PRKCE: variants seen among roughly 807,000 people sequenced by gnomAD.
The protein encoded by PRKCE is protein kinase C epsilon type.
Under a neutral mutation model 85.4 loss-of-function variants are expected in PRKCE, and 16 were observed. That is an observed-to-expected ratio of 0.19 (90% CI 0.13 to 0.28). The LOEUF is 0.28. Among genes scored for constraint, PRKCE ranks in the 10% least tolerant of loss-of-function variants. The pLI is 1.00. For synonymous variants in PRKCE, 388 were observed against 371.5 expected, an observed-to-expected ratio of 1.04 and a Z score of -0.51; for missense variants, 573 against 975.2, an observed-to-expected ratio of 0.59 and a Z score of 5.49.
intron 2 of PRKCE, among the ~76,000 whole-genome samples, chr2:45,894,261 G>A (rs1367862067): frequency 1.3e-5 from 2 of 151,962 alleles, no homozygotes; most frequent in Admixed American, 1.3e-4. Context: ...TGGGGATAGG[G>A]AGTGATTAAG....
chr2:46,042,525 G>T (rs545652691), intron 10 of PRKCE, among the ~76,000 whole-genome samples: 10 of 152,376 alleles, frequency 6.6e-5, no homozygotes, highest in African/African-American at 2.4e-4. Flanking sequence ...AGAGGTACTT[G>T]CGCCAGCCTG....
At position 45,693,031 on chromosome 2, in the gene PRKCE, A is replaced by C. The variant is rs776376983; in HGVS notation, c.348+40583A>C. Among the ~76,000 whole-genome samples, 54 of 152,108 alleles carry C rather than the reference A, an allele frequency of 3.6e-4. 1 individual carries two copies. The highest frequency in any genetic ancestry group is 5.9e-4 in the Non-Finnish European group (40 of 68,012). ...CTTGAGGCTGACTGAGAGATTCTGC[A>C]GGGGGCCAAGGTGGCTCAGGAGGCC... On this transcript the variant is annotated intron_variant, in intron 1 of 14. Coordinates refer to ENST00000306156, the MANE Select transcript of PRKCE (RefSeq NM_005400.3).
chr2:45,684,867 G>C (rs1677178880), intron 1 of PRKCE, among the ~76,000 whole-genome samples: 1 of 152,188 alleles, frequency 6.6e-6, no homozygotes, highest in Non-Finnish European at 1.5e-5. Flanking sequence ...AATAGGATCT[G>C]TGTGGCTGGC....
chr2:45,681,912 A>G (rs532213227), intron 1 of PRKCE, among the ~76,000 whole-genome samples: 1 of 152,228 alleles, frequency 6.6e-6, no homozygotes, highest in African/African-American at 2.4e-5. Context: ...GGTTATTAGT[A>G]ACCTTTGCAT....
chr2:46,033,598 C>T (rs1443902165), intron 10 of PRKCE, among the ~76,000 whole-genome samples: 2 of 152,186 alleles, frequency 1.3e-5, no homozygotes, highest in African/African-American at 4.8e-5. Flanking sequence ...GGCATAGACA[C>T]CTACTGTTGG....
intron 1 of PRKCE, among the ~76,000 whole-genome samples, chr2:45,661,141 C>T (rs1036334333): frequency 2.6e-5 from 4 of 152,176 alleles, no homozygotes; most frequent in Non-Finnish European, 1.5e-5. Context: ...GAGCTCCTGA[C>T]CCCAAGAGAT....
At chr2:45,859,497 T>C (rs1219884092) in intron 2 of PRKCE, among the ~76,000 whole-genome samples, 1 of 152,258 alleles carries the variant, frequency 6.6e-6, no homozygotes, top group African/African-American at 2.4e-5. Context: ...TATCAGACTT[T>C]TAAGTTTCTA....
At chr2:46,102,928 A>G (rs769302497) in intron 11 of PRKCE, among the ~76,000 whole-genome samples, 14 of 152,160 alleles carry the variant, frequency 9.2e-5, no homozygotes, top group Non-Finnish European at 1.3e-4. Flanking sequence ...CTCCTTTTCC[A>G]TGCCCTTTTC....
intron 1 of PRKCE, among the ~76,000 whole-genome samples, chr2:45,789,127 A>G (rs537075178): frequency 2.0e-5 from 3 of 152,176 alleles, no homozygotes; most frequent in Non-Finnish European, 4.4e-5. Flanking sequence ...TGGTGGGGGA[A>G]GGTGGCTCAT....
chr2:45,724,326 T>G (rs1292891092), intron 1 of PRKCE, among the ~76,000 whole-genome samples: 1 of 152,224 alleles, frequency 6.6e-6, no homozygotes, highest in African/African-American at 2.4e-5. Flanking sequence ...TGAACTTAAT[T>G]GATAAATGTT....
At chr2:45,884,954 C>CATATAT (rs745477412) in intron 2 of PRKCE, among the ~76,000 whole-genome samples, 72 of 37,498 alleles carry the variant, frequency 1.9e-3, no homozygotes, top group Non-Finnish European at 2.7e-3. Flanking sequence ...ATATGTGATC[C>CATATAT]ATATATATAT....
chr2:45,854,043 C>G (rs972581247), intron 2 of PRKCE, among the ~76,000 whole-genome samples: 1 of 152,200 alleles, frequency 6.6e-6, no homozygotes, highest in African/African-American at 2.4e-5. Context: ...CTGTGTCTTT[C>G]TATACAACCA....
chr2:46,063,514 T>C (rs1048526894), intron 10 of PRKCE, among the ~76,000 whole-genome samples: 18 of 152,342 alleles, frequency 1.2e-4, no homozygotes, highest in South Asian at 1.0e-3. Context: ...GACTCCCAGA[T>C]GGTTTCTGTG....
At chr2:45,818,960 G>C (rs1461820840) in intron 1 of PRKCE, among the ~76,000 whole-genome samples, 1 of 152,196 alleles carries the variant, frequency 6.6e-6, no homozygotes, top group East Asian at 1.9e-4. Context: ...TGTGATGTTT[G>C]AAGTGTTAGA....
chr2:45,840,952 G>A (rs542019502), intron 1 of PRKCE, among the ~76,000 whole-genome samples: 1 of 152,268 alleles, frequency 6.6e-6, no homozygotes, highest in South Asian at 2.1e-4. Flanking sequence ...CCTGGGGACA[G>A]AGCCTTGGGA....
intron 10 of PRKCE, among the ~76,000 whole-genome samples, chr2:46,051,581 T>A (rs12712961): frequency 0.5 from 75,344 of 152,042 alleles, 19,616 homozygotes; most frequent in African/African-American, 0.65. Flanking sequence ...GCACCCGCTT[T>A]GAAGGCATGC....
intron 14 of PRKCE, among the ~76,000 whole-genome samples, chr2:46,170,032 A>C (rs1678736159): frequency 6.6e-6 from 1 of 152,236 alleles, no homozygotes; most frequent in East Asian, 1.9e-4. Context: ...GCCATGTGAG[A>C]GCAGGGATTT....
At chr2:45,890,327 G>C (rs963113500) in intron 2 of PRKCE, among the ~76,000 whole-genome samples, 1 of 152,090 alleles carries the variant, frequency 6.6e-6, no homozygotes, top group African/African-American at 2.4e-5. Flanking sequence ...AACTGTCATA[G>C]AAATACTTCA....
At chr2:45,837,826 C>T (rs766816160) in intron 1 of PRKCE, among the ~76,000 whole-genome samples, 30 of 152,162 alleles carry the variant, frequency 2.0e-4, no homozygotes, top group Non-Finnish European at 8.8e-5. Context: ...GCCATGACGG[C>T]ACCACTTCAC....
Sources: allele counts gnomAD v4.1 joint callset (sites outside exome capture counted in the v4.1 genomes callset), GRCh38; gene constraint gnomAD v4.1.1; transcripts MANE v1.5; gene names NCBI Gene and HGNC (gene_info 2026-07-23, HGNC 2026-07-21).